Variants in VIPR2 observed in about 807,000 individuals in gnomAD.
VIPR2 encodes vasoactive intestinal peptide receptor 2, also known as vasoactive intestinal polypeptide receptor 2.
Under a neutral mutation model 58.0 loss-of-function variants are expected in VIPR2, and 48 were observed. The ratio of observed to expected loss-of-function variants is 0.83; its 90% CI spans 0.66 to 1.05. The LOEUF (loss-of-function observed/expected upper bound fraction) is 1.05, where lower values mean the gene tolerates loss of function less well. Ranked by LOEUF, VIPR2 falls within the 50% of genes least tolerant of loss-of-function variation. VIPR2 has a pLI of 0.00. For missense variants in VIPR2, 534 were observed against 558.0 expected, an observed-to-expected ratio of 0.96 and a Z score of 0.43; for synonymous variants, 243 against 235.2, an observed-to-expected ratio of 1.03 and a Z score of -0.30.
intron 2 of VIPR2, among the ~76,000 whole-genome samples, chr7:159,138,755 G>A (rs997049589): frequency 6.6e-6 from 1 of 152,192 alleles, no homozygotes; most frequent in Non-Finnish European, 1.5e-5. Flanking sequence ...ACTCTCCAGG[G>A]GCAACTTGGG....
chr7:159,102,304 C>T (rs914574937), intron 4 of VIPR2, among the ~76,000 whole-genome samples: 17 of 152,338 alleles, frequency 1.1e-4, no homozygotes, highest in Non-Finnish European at 2.2e-4. Flanking sequence ...TTTCCCTTTT[C>T]GCTTGACTCT....
intron 2 of VIPR2, among the ~76,000 whole-genome samples, chr7:159,126,625 G>C (rs1244080044): frequency 2.0e-5 from 3 of 152,162 alleles, no homozygotes; most frequent in Admixed American, 1.3e-4. Flanking sequence ...CACATGCTGG[G>C]AAGGGCCTTA....
At chr7:159,124,893 G>A (rs1000596980) in intron 2 of VIPR2, among the ~76,000 whole-genome samples, 1 of 152,128 alleles carries the variant, frequency 6.6e-6, no homozygotes, top group Non-Finnish European at 1.5e-5. Flanking sequence ...TTCTTTTTGT[G>A]GCAATTGTGA....
At chr7:159,074,064 A>G (rs1856530507) in intron 4 of VIPR2, among the ~76,000 whole-genome samples, 1 of 152,254 alleles carries the variant, frequency 6.6e-6, no homozygotes, top group African/African-American at 2.4e-5. Flanking sequence ...ATGCAAAATG[A>G]AATTTTTTAC....
chr7:159,142,828 C>T (rs1797527942), intron 1 of VIPR2, among the ~76,000 whole-genome samples: 2 of 152,156 alleles, frequency 1.3e-5, no homozygotes, highest in African/African-American at 4.8e-5. Flanking sequence ...TTGGAGGCAA[C>T]AGAGCTCTTT....
At chr7:159,101,240 A>G (rs372967902) in intron 4 of VIPR2, among the ~76,000 whole-genome samples, 211 of 91,182 alleles carry the variant, frequency 2.3e-3, no homozygotes, top group Middle Eastern at 0.012. Flanking sequence ...TGTTCCTGTG[A>G]TAGTGAACGG....
chr7:159,133,283 C>T (rs1283420995), intron 2 of VIPR2, among the ~76,000 whole-genome samples: 1 of 152,290 alleles, frequency 6.6e-6, no homozygotes. Flanking sequence ...TCCTGGCCAC[C>T]CCCTAAACAC....
At chr7:159,132,075 T>A (rs557637859) in intron 2 of VIPR2, among the ~76,000 whole-genome samples, 9 of 151,768 alleles carry the variant, frequency 5.9e-5, no homozygotes, top group Non-Finnish European at 7.4e-5. Context: ...CCCCCTCACA[T>A]TCCTTCAGGG....
intron 4 of VIPR2, among the ~76,000 whole-genome samples, chr7:159,064,645 G>T (rs1855979633): frequency 6.6e-6 from 1 of 152,150 alleles, no homozygotes; most frequent in Non-Finnish European, 1.5e-5. Context: ...AGGCCGGCCA[G>T]GCTGCTCTCT....
At chr7:159,044,617 A>T (rs1854541613) in intron 5 of VIPR2, among the ~76,000 whole-genome samples, 1 of 151,612 alleles carries the variant, frequency 6.6e-6, no homozygotes, top group Non-Finnish European at 1.5e-5. Flanking sequence ...AAAACAAAAA[A>T]CCATAGACAA....
At chr7:159,046,966 G>A (rs1459400180) in intron 5 of VIPR2, among the ~76,000 whole-genome samples, 3 of 152,224 alleles carry the variant, frequency 2.0e-5, no homozygotes, top group Non-Finnish European at 2.9e-5. Flanking sequence ...CGGGCGCGGT[G>A]GCTCATGCCT....
chr7:159,076,831 A>C (rs1856659270), intron 4 of VIPR2, among the ~76,000 whole-genome samples: 1 of 152,214 alleles, frequency 6.6e-6, no homozygotes. Context: ...AAAGAAAAGG[A>C]TATACCTTCA....
intron 5 of VIPR2, 86 bp from the exon 6 acceptor site, chr7:159,043,262 C>A: frequency 1.6e-6 from 2 of 1,248,584 alleles, no homozygotes; most frequent in Non-Finnish European, 1.1e-6. Context: ...GAAACTCATA[C>A]TATGATCAGA....
intron 5 of VIPR2, among the ~76,000 whole-genome samples, chr7:159,055,929 C>G (rs1311522068): frequency 6.6e-6 from 1 of 152,204 alleles, no homozygotes; most frequent in Non-Finnish European, 1.5e-5. Flanking sequence ...AAAGGGGGAC[C>G]AGAGTCTGCT....
At chr7:159,060,114 C>T (rs1016142517) in intron 4 of VIPR2, among the ~76,000 whole-genome samples, 1 of 150,388 alleles carries the variant, frequency 6.6e-6, no homozygotes, top group Non-Finnish European at 1.5e-5. Context: ...ACCTAATCAC[C>T]ACCTTCACCT....
rs1272389800 is a variant in VIPR2, at chr7:159,095,991, TC to T, written c.357+7765del. ...TATGATCTGGAGGCTCCCCGGGGGC[TC>T]CTGGCAACAAGCTGCAGGACGCACA... is the stretch of plus-strand genomic sequence containing the variant. On this transcript the variant is annotated intron_variant, in intron 4 of 12. Transcript: ENST00000262178. This position sits in a 1 kb window ranked among gnomAD's most constrained non-coding sequence, Gnocchi z 5.2. 1.3e-5 allele frequency among the ~76,000 whole-genome samples: 2 copies of T among 152,064 alleles called. No homozygotes were observed. Among genetic ancestry groups the T allele is most frequent in the African/African-American group, 4.8e-5 (2 of 41,394 alleles).
At chr7:159,124,241 T>G (rs1796577257) in intron 2 of VIPR2, among the ~76,000 whole-genome samples, 1 of 152,258 alleles carries the variant, frequency 6.6e-6, no homozygotes, top group Admixed American at 6.5e-5. Flanking sequence ...TTCAGGATGC[T>G]ATTGCCTAGG....
At chr7:159,109,944 G>T in intron 2 of VIPR2, 25 bp from the exon 3 acceptor site, 1 of 1,608,988 alleles carries the variant, frequency 6.2e-7, no homozygotes. Flanking sequence ...GCAGAGTGAG[G>T]CAGGTGCAAG....
At chr7:159,141,552 C>T (rs1797466810) in intron 2 of VIPR2, among the ~76,000 whole-genome samples, 1 of 152,250 alleles carries the variant, frequency 6.6e-6, no homozygotes, top group South Asian at 2.1e-4. Context: ...ACTTCTACAA[C>T]TTAGCATCAA....
Sources: gnomAD v4.1 joint callset for allele counts (sites outside exome capture counted in the v4.1 genomes callset) on GRCh38, gnomAD v4.1.1 for gene constraint, Gnocchi (gnomAD v3.1) non-coding constraint, MANE v1.5 for transcripts, NCBI Gene and HGNC (gene_info 2026-07-23, HGNC 2026-07-21) for gene names.